Variants in AVL9 observed in about 807,000 individuals in gnomAD.
AVL9 encodes late secretory pathway protein AVL9 homolog.
A neutral mutation model predicts 79.2 loss-of-function variants in AVL9; 49 were observed. The ratio of observed to expected loss-of-function variants is 0.62; its 90% CI spans 0.49 to 0.79. The LOEUF (loss-of-function observed/expected upper bound fraction) is 0.79, where lower values mean the gene tolerates loss of function less well. Ranked by LOEUF, AVL9 falls within the 30% of genes least tolerant of loss-of-function variation. The pLI, the probability that AVL9 is intolerant of heterozygous loss-of-function variation, is 0.00. For synonymous variants in AVL9, 299 were observed against 280.6 expected (o/e 1.07, Z -0.65); for missense variants, 682 against 776.8 (o/e 0.88, Z 1.45).
intron 3 of AVL9, among the ~76,000 whole-genome samples, chr7:32,547,202 A>C (rs1789556083): frequency 6.6e-6 from 1 of 152,204 alleles, no homozygotes; most frequent in African/African-American, 2.4e-5. Flanking sequence ...TGCTCCTATA[A>C]ATCTTTAACA....
In AVL9 at chr7:32,523,366, A is replaced by T. The variant is rs528552871; in HGVS notation, c.94-19775A>T. ...AAGATGAAAATTGATAAAAATTAAC[A>T]AAAGAGCCTTAGTCCCTTGGCTCGA... On this transcript the variant is annotated intron_variant, in intron 1 of 15. Coordinates refer to ENST00000318709, the MANE Select transcript of AVL9 (RefSeq NM_015060.3). Among the ~76,000 whole-genome samples, 8 of 152,052 alleles carry T rather than the reference A, an allele frequency of 5.3e-5. No homozygotes were observed. The South Asian group carries it at 1.7e-3, about 31-fold the overall frequency.
rs1791727223 is a variant in AVL9 at position 32,585,295 on chromosome 7, G to A, written c.*1388G>A. 1 of 152,198 alleles carries A rather than the reference G, an allele frequency of 6.6e-6. No homozygotes were observed. Among genetic ancestry groups the A allele is most frequent in the Admixed American group, 6.5e-5 (1 of 15,276 alleles). The allele number at this position is 152,198 out of a possible 1,614,324, so 9.4% of individuals were successfully genotyped here. A position where few individuals can be genotyped will look rare whatever the true frequency, so the allele number is the denominator to read the frequency against. ...TAGTTTATATTCAGCAAAGTAAGAG[G>A]CAAGAGAAGAAAACTGCAGCCTTGA... On this transcript the variant is annotated 3_prime_UTR_variant, in exon 16 of 16. Transcript: ENST00000318709.
chr7:32,543,689 G>T (rs1286331405), intron 2 of AVL9, among the ~76,000 whole-genome samples: 3 of 152,194 alleles, frequency 2.0e-5, no homozygotes, highest in Non-Finnish European at 4.4e-5. Context: ...TGGAACCATT[G>T]CTGTCACAAG....
At chr7:32,550,969 T>C (rs540148538) in intron 4 of AVL9, among the ~76,000 whole-genome samples, 179 of 152,326 alleles carry the variant, frequency 1.2e-3, no homozygotes, top group Non-Finnish European at 2.3e-3. Flanking sequence ...CAAGTGCTTT[T>C]ACCTGTTATT....
At position 32,558,495 on chromosome 7, in the gene AVL9, A is replaced by T. The variant is rs541639254; in HGVS notation, c.610-64A>T. 49 of 1,261,166 alleles carry T rather than the reference A, an allele frequency of 3.9e-5. No homozygotes were observed. In the African/African-American group the frequency reaches 7.0e-4, roughly 18 times the overall value. The allele number at this position is 1,261,166 out of a possible 1,614,324, so 78.1% of individuals were successfully genotyped here. ...TATAAGGAATTTTTCCCTCTTTTTT[A>T]TTTGTTATCATTATGGACGGCTTCA... On this transcript the variant is annotated intron_variant, in intron 8 of 15. Coordinates refer to ENST00000318709, the MANE Select transcript of AVL9 (RefSeq NM_015060.3).
Position 32,514,060 on chromosome 7 carries a change from G to A in AVL9, c.93+18258G>A, listed in dbSNP as rs541690386. Among the ~76,000 whole-genome samples the A allele has an allele frequency of 2.4e-3, 368 of 152,250 alleles. 2 individuals carry two copies. The highest frequency in any genetic ancestry group is 8.3e-3 in the African/African-American group (343 of 41,544). The stretch of plus-strand genomic sequence containing the variant: ...CTATCTCAGAATAGAATGTACGCTC[G>A]GTTTTACACCAAGTCATTCCATTCC... On this transcript the variant is annotated intron_variant, in intron 1 of 15. Coordinates refer to ENST00000318709, the MANE Select transcript of AVL9 (RefSeq NM_015060.3).
chr7:32,544,590 C>T, intron 2 of AVL9, 104 bp from the exon 3 acceptor site: 2 of 725,836 alleles, frequency 2.8e-6, no homozygotes, highest in South Asian at 2.0e-5. Context: ...CTTGTTTTAT[C>T]ATCATTTTTG....
chr7:32,566,972 T>G (rs982968425), intron 10 of AVL9, among the ~76,000 whole-genome samples: 1 of 152,160 alleles, frequency 6.6e-6, no homozygotes, highest in African/African-American at 2.4e-5. Context: ...GTCTTAAAAC[T>G]TTTCTAAAGA....
intron 1 of AVL9, among the ~76,000 whole-genome samples, chr7:32,504,948 G>A (rs35086146): frequency 0.35 from 53,174 of 151,638 alleles, 9,654 homozygotes; most frequent in East Asian, 0.48. Flanking sequence ...ATCTCAGCTC[G>A]CTGCAACCTC....
intron 1 of AVL9, chr7:32,534,498 G>A (rs958916202): frequency 2.0e-5 from 3 of 151,272 alleles, no homozygotes; most frequent in Non-Finnish European, 3.0e-5. Context: ...ATCTCAAAGA[G>A]GTGGCTTCAA....
intron 3 of AVL9, among the ~76,000 whole-genome samples, chr7:32,545,369 T>C (rs942172757): frequency 7.6e-5 from 4 of 52,734 alleles, no homozygotes; most frequent in Admixed American, 3.2e-4. Flanking sequence ...GATTTCTTTT[T>C]TTTTTTTTTT....
At chr7:32,498,045 G>A (rs998040730) in intron 1 of AVL9, among the ~76,000 whole-genome samples, 3 of 152,262 alleles carry the variant, frequency 2.0e-5, no homozygotes, top group South Asian at 2.1e-4. Flanking sequence ...AGTGACTGAA[G>A]TAAAACCTTT....
intron 1 of AVL9, chr7:32,534,088 A>T (rs1234164479): frequency 6.6e-6 from 1 of 152,222 alleles, no homozygotes; most frequent in African/African-American, 2.4e-5. Flanking sequence ...TTATTACTGG[A>T]GGACAAACAT....
chr7:32,582,935 C>G (rs542558578), intron 15 of AVL9, among the ~76,000 whole-genome samples: 9 of 152,294 alleles, frequency 5.9e-5, no homozygotes, highest in African/African-American at 2.2e-4. Flanking sequence ...CCACCCGTCT[C>G]GGCTTCCCAA....
chr7:32,551,829 A>G (rs886791933), intron 5 of AVL9, among the ~76,000 whole-genome samples: 9 of 152,082 alleles, frequency 5.9e-5, no homozygotes, highest in African/African-American at 2.2e-4. Flanking sequence ...AATGGACAGC[A>G]TGTTTTCCTC....
At chr7:32,540,992 G>A (rs1033047870) in intron 1 of AVL9, among the ~76,000 whole-genome samples, 16 of 139,358 alleles carry the variant, frequency 1.1e-4, no homozygotes, top group African/African-American at 2.6e-5. Flanking sequence ...TCCGCCTCCC[G>A]GGTTCACGCC....
intron 1 of AVL9, among the ~76,000 whole-genome samples, chr7:32,499,369 T>C (rs1031021263): frequency 2.1e-5 from 3 of 144,640 alleles, no homozygotes; most frequent in Non-Finnish European, 4.6e-5. Flanking sequence ...TTTTTTTTTT[T>C]CATAAACAGG....
intron 10 of AVL9, among the ~76,000 whole-genome samples, chr7:32,562,301 AACTTATATC>A (rs1339185453): frequency 1.3e-5 from 2 of 152,178 alleles, no homozygotes. Context: ...TTAGATGTCT[AACTTATATC>A]ACTTATAAGT....
chr7:32,548,151 C>CTTTTTTTTTCTTTTTTTTTTT (rs1789618061), intron 3 of AVL9, among the ~76,000 whole-genome samples: 2 of 131,582 alleles, frequency 1.5e-5, no homozygotes, highest in South Asian at 2.3e-4. Context: ...TCTCTTTTTT[C>CTTTTTTTTTCTTTTTTTTTTT]TTTTTTTTTT....
Sources: gnomAD v4.1 joint callset for allele counts (sites outside exome capture counted in the v4.1 genomes callset) on GRCh38, gnomAD v4.1.1 for gene constraint, MANE v1.5 for transcripts, NCBI Gene and HGNC (gene_info 2026-07-23, HGNC 2026-07-21) for gene names.